Variants in MDGA2 observed in about 807,000 individuals in gnomAD.
MDGA2 encodes the protein MAM domain-containing glycosylphosphatidylinositol anchor protein 2.
In MDGA2, 40 loss-of-function variants were observed where a neutral mutation model predicts 117.8. That is an observed-to-expected ratio of 0.34 (90% confidence interval 0.26 to 0.44). MDGA2 has a LOEUF of 0.44. MDGA2 is among the 20% of genes least tolerant of loss of function. The probability of loss-of-function intolerance (pLI) is 1.00; values close to 1 mark genes in which losing one functional copy is unlikely to be tolerated. For missense variants in MDGA2, 1,123 were observed against 1,250.6 expected (o/e 0.90, Z 1.54); for synonymous variants, 452 against 439.0 (o/e 1.03, Z -0.37).
intron 4 of MDGA2, among the ~76,000 whole-genome samples, chr14:47,136,687 A>G (rs564599488): frequency 6.6e-6 from 1 of 152,138 alleles, no homozygotes; most frequent in East Asian, 1.9e-4. Flanking sequence ...CTGCCTTTCC[A>G]TTTAATGAGA....
At chr14:47,318,281 G>C (rs1228253442) in intron 1 of MDGA2, among the ~76,000 whole-genome samples, 1 of 152,126 alleles carries the variant, frequency 6.6e-6, no homozygotes, top group Non-Finnish European at 1.5e-5. Flanking sequence ...TTCTTCTTCT[G>C]CTTCCTCAGG....
At chr14:47,301,298 CACA>C (rs1889274603) in intron 2 of MDGA2, 110 bp downstream of exon 2, 10 of 47,164 alleles carry the variant, frequency 2.1e-4, no homozygotes, top group South Asian at 7.7e-4. Flanking sequence ...CACCCACCCA[CACA>C]CACACACACA....
In MDGA2 at chr14:47,615,414, G is replaced by C. The variant is rs17118983; in HGVS notation, c.280+59103C>G. Among the ~76,000 whole-genome samples the C allele has an allele frequency of 6.2e-3, 939 of 152,254 alleles. 11 individuals are homozygous for C. The highest frequency in any genetic ancestry group is 0.021 in the African/African-American group (886 of 41,544). ...TGTTAAGCATTGAGGGACTGACCAA[G>C]ATAAATGTAAAGTGTATGATTCTAG... is the stretch of plus-strand genomic sequence containing the variant. On this transcript the variant is annotated intron_variant, in intron 1 of 16. Transcript: ENST00000399232.
At chr14:47,053,454 C>T (rs893962353) in intron 7 of MDGA2, among the ~76,000 whole-genome samples, 6 of 151,470 alleles carry the variant, frequency 4.0e-5, no homozygotes, top group African/African-American at 9.7e-5. Context: ...AACATACATC[C>T]TTTATGTGAC....
intron 3 of MDGA2, among the ~76,000 whole-genome samples, chr14:47,174,592 G>A (rs936615114): frequency 6.6e-6 from 1 of 152,148 alleles, no homozygotes; most frequent in African/African-American, 2.4e-5. Context: ...GATGTTCTTT[G>A]AAACAAATAA....
chr14:47,218,309 A>G (rs1886174872), intron 2 of MDGA2, 114 bp from the exon 3 acceptor site: 2 of 884,692 alleles, frequency 2.3e-6, no homozygotes, highest in Non-Finnish European at 3.3e-6. Flanking sequence ...TGCCTCTCCC[A>G]TCAAATTATT....
intron 1 of MDGA2, among the ~76,000 whole-genome samples, chr14:47,602,840 T>C (rs10444712): frequency 0.079 from 12,023 of 152,254 alleles, 541 homozygotes; most frequent in East Asian, 0.1. Flanking sequence ...GGCTCCACAG[T>C]GCGGAACGTT....
chr14:47,143,009 C>T (rs886102735), intron 4 of MDGA2, among the ~76,000 whole-genome samples: 2 of 152,168 alleles, frequency 1.3e-5, no homozygotes, highest in Admixed American at 1.3e-4. Context: ...CATTATTCCA[C>T]AGTTAATGTC....
chr14:47,281,336 T>C (rs527361693), intron 2 of MDGA2, among the ~76,000 whole-genome samples: 2 of 152,300 alleles, frequency 1.3e-5, no homozygotes, highest in South Asian at 4.1e-4. Context: ...CCTTATAGAT[T>C]TTCATACATT....
rs1881931550 is a variant in MDGA2, at chr14:47,126,906, TG to T, written c.925+4807del. On this transcript the variant is annotated intron_variant, in intron 5 of 16. Coordinates refer to ENST00000399232, the MANE Select transcript of MDGA2 (RefSeq NM_001113498.3). The stretch of plus-strand genomic sequence containing the variant: ...TTCCATCTTTACATCCTGTATCATT[TG>T]GGCATTGTGCAAATCAGGTCCATAG... Among the ~76,000 whole-genome samples, 3 of 152,130 alleles carry T rather than the reference TG, an allele frequency of 2.0e-5. No individual in the cohort carries two copies. The South Asian group carries it at 6.2e-4, about 31-fold the overall frequency.
chr14:47,517,748 C>T (rs1894784752), intron 1 of MDGA2, among the ~76,000 whole-genome samples: 1 of 152,098 alleles, frequency 6.6e-6, no homozygotes, highest in Non-Finnish European at 1.5e-5. Flanking sequence ...TGAAGAATAG[C>T]TTATACTTAA....
chr14:46,903,897 T>A (rs1228097707), intron 10 of MDGA2, among the ~76,000 whole-genome samples: 1 of 152,220 alleles, frequency 6.6e-6, no homozygotes, highest in African/African-American at 2.4e-5. Context: ...AATGTATTCA[T>A]GCTTTCTGTA....
Position 47,307,561 on chromosome 14 carries a change from G to A in MDGA2, c.281-6011C>T, listed in dbSNP as rs28480119. The stretch of plus-strand genomic sequence containing the variant: ...CCAGGTGTGGTGGTGGGTGCCTGTA[G>A]TCCTAGCTACTTGGGAGGCTGAAGC... On this transcript the variant is annotated intron_variant, in intron 1 of 16. Coordinates refer to ENST00000399232, the MANE Select transcript of MDGA2 (RefSeq NM_001113498.3). Among the ~76,000 whole-genome samples, 867 of 152,050 alleles carry A rather than the reference G, an allele frequency of 5.7e-3. 7 individuals carry two copies. The highest frequency in any genetic ancestry group is 0.01 in the Non-Finnish European group (685 of 67,950).
At chr14:47,146,869 C>T (rs1004047374) in intron 3 of MDGA2, among the ~76,000 whole-genome samples, 1 of 152,132 alleles carries the variant, frequency 6.6e-6, no homozygotes, top group African/African-American at 2.4e-5. Context: ...TCAACAGACT[C>T]AGTCAGGAAT....
intron 4 of MDGA2, among the ~76,000 whole-genome samples, chr14:47,134,070 C>T (rs990754532): frequency 6.6e-5 from 10 of 152,000 alleles, no homozygotes; most frequent in African/African-American, 9.7e-5. Context: ...TCATCACAAT[C>T]GAGCTAATTA....
At chr14:47,179,444 C>G (rs1259255684) in intron 3 of MDGA2, among the ~76,000 whole-genome samples, 1 of 151,846 alleles carries the variant, frequency 6.6e-6, no homozygotes, top group African/African-American at 2.4e-5. Flanking sequence ...TGTATTATTG[C>G]AAGTAAACTA....
intron 2 of MDGA2, among the ~76,000 whole-genome samples, chr14:47,265,277 AC>A (rs1949417959): frequency 6.6e-6 from 1 of 152,172 alleles, no homozygotes; most frequent in Non-Finnish European, 1.5e-5. Flanking sequence ...AGTATGTATT[AC>A]ATTTGGTTTT....
At position 46,884,357 on chromosome 14, in the gene MDGA2, T is replaced by G. The variant is rs774179513; in HGVS notation, c.2239-2136A>C. The stretch of plus-strand genomic sequence containing the variant: ...TTTTGAATGCCATTTTCCCTTGGAT[T>G]TTTACGTAGTACTTTCTCTATGTAC... On this transcript the variant is annotated intron_variant, in intron 10 of 16. Coordinates refer to ENST00000399232, the MANE Select transcript of MDGA2 (RefSeq NM_001113498.3). The surrounding 1 kb of genome is among the most constrained non-coding windows in gnomAD (Gnocchi z 4.1). Among the ~76,000 whole-genome samples the G allele has an allele frequency of 6.6e-6, 1 of 152,262 alleles. No individual in the cohort carries two copies. The highest frequency in any genetic ancestry group is 2.1e-4 in the South Asian group (1 of 4,830).
intron 1 of MDGA2, among the ~76,000 whole-genome samples, chr14:47,492,313 T>C (rs1277454575): frequency 6.6e-6 from 1 of 152,116 alleles, no homozygotes; most frequent in Non-Finnish European, 1.5e-5. Context: ...GGAGATGATA[T>C]ATTCACTCAA....
Sources: allele counts gnomAD v4.1 joint callset (sites outside exome capture counted in the v4.1 genomes callset), GRCh38; gene constraint gnomAD v4.1.1; non-coding constraint Gnocchi (gnomAD v3.1); transcripts MANE v1.5; gene names NCBI Gene and HGNC (gene_info 2026-07-23, HGNC 2026-07-21).